The following CDH12 variants were observed in gnomAD, a reference collection of about 807,000 sequenced individuals.
CDH12 encodes cadherin 12, also known as cadherin-12.
A neutral mutation model predicts 74.1 loss-of-function variants in CDH12; 41 were observed. The observed-to-expected ratio is 0.55, with a 90% CI of 0.43 to 0.72. The LOEUF is 0.72. CDH12 is among the 30% of genes least tolerant of loss of function. The pLI is 0.00. For missense variants in CDH12, 945 were observed against 977.2 expected, an observed-to-expected ratio of 0.97 and a Z score of 0.44; for synonymous variants, 399 against 355.0, an observed-to-expected ratio of 1.12 and a Z score of -1.39.
At chr5:22,400,085 G>A (rs1012545659) in intron 3 of CDH12, among the ~76,000 whole-genome samples, 4 of 152,082 alleles carry the variant, frequency 2.6e-5, no homozygotes, top group Non-Finnish European at 4.4e-5. Context: ...GCATAACTAA[G>A]CATCAGTAAC....
At chr5:22,639,045 C>T (rs1278673182) in intron 1 of CDH12, 2 of 89,274 alleles carry the variant, frequency 2.2e-5, no homozygotes, top group Non-Finnish European at 3.9e-5. Flanking sequence ...AGTGAGAGTC[C>T]GCCTCAAAAA....
chr5:22,480,014 T>C (rs1746319075), intron 2 of CDH12, among the ~76,000 whole-genome samples: 2 of 152,176 alleles, frequency 1.3e-5, no homozygotes. Context: ...AAAAGTTAGG[T>C]AACCCATTGT....
chr5:22,198,879 T>TTTTATTTATTTATTTATTTA (rs57356477), intron 4 of CDH12, among the ~76,000 whole-genome samples: 10 of 150,300 alleles, frequency 6.7e-5, no homozygotes, highest in South Asian at 4.2e-4. Context: ...CATTTTTTAT[T>TTTTATTTATTTATTTATTTA]TTTATTTATT....
At chr5:21,844,794 T>C (rs1750067370) in intron 7 of CDH12, among the ~76,000 whole-genome samples, 1 of 152,150 alleles carries the variant, frequency 6.6e-6, no homozygotes, top group African/African-American at 2.4e-5. Flanking sequence ...ACTCTCTCTG[T>C]CCAGATAAAT....
chr5:22,147,471 C>T (rs1378764974), intron 4 of CDH12, among the ~76,000 whole-genome samples: 2 of 151,748 alleles, frequency 1.3e-5, no homozygotes, highest in Admixed American at 6.6e-5. Context: ...AAAAGAAAAT[C>T]GTATCTCCAA....
intron 1 of CDH12, among the ~76,000 whole-genome samples, chr5:22,596,296 C>G (rs1002126699): frequency 6.9e-6 from 1 of 144,792 alleles, no homozygotes; most frequent in Admixed American, 7.8e-5. Context: ...AAAAAATTAG[C>G]TGGGTGTGGT....
chr5:22,266,538 AT>A (rs1055413350), intron 3 of CDH12, among the ~76,000 whole-genome samples: 200 of 152,152 alleles, frequency 1.3e-3, no homozygotes, highest in Non-Finnish European at 2.4e-3. Context: ...CAATATTAGC[AT>A]TTTTTCTTGT....
intron 5 of CDH12, among the ~76,000 whole-genome samples, chr5:22,027,134 T>A (rs1395268523): frequency 6.6e-6 from 1 of 152,172 alleles, no homozygotes; most frequent in African/African-American, 2.4e-5. Context: ...TTGCGTATAT[T>A]GAACCAGCCT....
intron 3 of CDH12, among the ~76,000 whole-genome samples, chr5:22,225,096 C>T (rs949620216): frequency 6.6e-6 from 1 of 151,866 alleles, no homozygotes; most frequent in African/African-American, 2.4e-5. Flanking sequence ...TTCCAAAAAT[C>T]GACCAAAGCC....
At chr5:22,118,643 T>G (rs764732340) in intron 4 of CDH12, among the ~76,000 whole-genome samples, 1 of 152,130 alleles carries the variant, frequency 6.6e-6, no homozygotes, top group Non-Finnish European at 1.5e-5. Flanking sequence ...CTGCCTTTTC[T>G]GATTCTCCAG....
intron 2 of CDH12, among the ~76,000 whole-genome samples, chr5:22,483,880 T>C (rs1269134252): frequency 2.7e-5 from 4 of 148,298 alleles, no homozygotes; most frequent in Non-Finnish European, 4.5e-5. Context: ...AATATTCAGG[T>C]TCAGGTAAGA....
At chr5:22,766,434 A>G (rs1025111998) in intron 1 of CDH12, among the ~76,000 whole-genome samples, 1 of 152,136 alleles carries the variant, frequency 6.6e-6, no homozygotes, top group African/African-American at 2.4e-5. Flanking sequence ...AGCTGCATTT[A>G]TCAATAAGGG....
chr5:21,796,136 A>G (rs1746766679), intron 10 of CDH12, among the ~76,000 whole-genome samples: 1 of 152,036 alleles, frequency 6.6e-6, no homozygotes, highest in African/African-American at 2.4e-5. Flanking sequence ...AAGATGACAA[A>G]TACAGATGCC....
chr5:22,223,443 G>A (rs956124400), intron 3 of CDH12, among the ~76,000 whole-genome samples: 1 of 152,012 alleles, frequency 6.6e-6, no homozygotes, highest in Non-Finnish European at 1.5e-5. Flanking sequence ...ATTTTTGCTG[G>A]TTTGGTTCAC....
intron 4 of CDH12, among the ~76,000 whole-genome samples, chr5:22,194,498 A>G (rs1468700286): frequency 6.6e-6 from 1 of 151,436 alleles, no homozygotes; most frequent in African/African-American, 2.4e-5. Context: ...TGCCCGCCTA[A>G]TTTTTGTATT....
intron 3 of CDH12, among the ~76,000 whole-genome samples, chr5:22,347,604 C>T (rs1277932873): frequency 1.3e-4 from 20 of 152,188 alleles, no homozygotes; most frequent in Admixed American, 8.5e-4. Flanking sequence ...CCTTAATAAA[C>T]TCTTCTTCAT....
intron 2 of CDH12, among the ~76,000 whole-genome samples, chr5:22,458,444 C>T (rs978014526): frequency 3.3e-5 from 5 of 152,192 alleles, no homozygotes; most frequent in African/African-American, 1.2e-4. Flanking sequence ...CGGATTTCAA[C>T]ATTTCTTTTT....
intron 1 of CDH12, among the ~76,000 whole-genome samples, chr5:22,592,406 C>T (rs1050536101): frequency 6.6e-6 from 1 of 152,120 alleles, no homozygotes; most frequent in African/African-American, 2.4e-5. Context: ...GGTGAAACTA[C>T]CCCCATCTAT....
Position 22,580,499 on chromosome 5 carries a change from G to C in CDH12, c.-522-75135C>G, listed in dbSNP as rs143358098. ...ACAAGTCATACTTATGGCTTGTAGA[G>C]AGTGAGCCGGGGACTTCAGGAATAC... On this transcript the variant is annotated intron_variant, in intron 1 of 14. Coordinates refer to ENST00000382254, the MANE Select transcript of CDH12 (RefSeq NM_004061.5). The C allele has an allele frequency of 1.0e-3, 490 of 482,150 alleles. 3 individuals are homozygous for C. The highest frequency in any genetic ancestry group is 8.6e-3 in the African/African-American group (440 of 51,038). 29.9% of individuals were successfully genotyped at this position (482,150 alleles called of 1,614,324 possible). A position where few individuals can be genotyped will look rare whatever the true frequency, so the allele number is the denominator to read the frequency against.
Sources: allele counts gnomAD v4.1 joint callset (sites outside exome capture counted in the v4.1 genomes callset), GRCh38; gene constraint gnomAD v4.1.1; transcripts MANE v1.5; gene names NCBI Gene and HGNC (gene_info 2026-07-23, HGNC 2026-07-21).